GRIK1: variants seen among roughly 807,000 people sequenced by gnomAD.
The protein encoded by GRIK1 is glutamate receptor ionotropic, kainate 1.
A neutral mutation model predicts 105.7 loss-of-function variants in GRIK1; 69 were observed. That is an observed-to-expected ratio of 0.65 (90% CI 0.54 to 0.80). The LOEUF (loss-of-function observed/expected upper bound fraction) is 0.80. Ranked by LOEUF, GRIK1 falls within the 30% of genes least tolerant of loss-of-function variation. The pLI, the probability that GRIK1 is intolerant of heterozygous loss-of-function variation, is 0.00. For synonymous variants in GRIK1, 438 were observed against 431.3 expected (o/e 1.02, Z -0.19); for missense variants, 1,109 against 1,167.3 (o/e 0.95, Z 0.73).
At chr21:29,598,797 GTTATT>G (rs1263730729) in intron 8 of GRIK1, 28 bp downstream of exon 8, 1 of 962,118 alleles carries the variant, frequency 1.0e-6, no homozygotes, top group Admixed American at 2.1e-5. Flanking sequence ...ATGTTCATTT[GTTATT>G]TTATTTATTT....
chr21:29,574,864 AT>A (rs1555838470), intron 14 of GRIK1, among the ~76,000 whole-genome samples: 5,197 of 142,394 alleles, frequency 0.036, 294 homozygotes, highest in African/African-American at 0.12. Flanking sequence ...ATATTTTTGT[AT>A]TTTTTTTTTT....
At chr21:29,569,728 T>A (rs2146208112) in intron 14 of GRIK1, among the ~76,000 whole-genome samples, 1 of 152,326 alleles carries the variant, frequency 6.6e-6, no homozygotes, top group Middle Eastern at 3.4e-3. Flanking sequence ...AAAATGTGAC[T>A]TTCTACACTA....
At chr21:29,695,230 T>C (rs2063672518) in intron 1 of GRIK1, among the ~76,000 whole-genome samples, 1 of 152,160 alleles carries the variant, frequency 6.6e-6, no homozygotes, top group Non-Finnish European at 1.5e-5. Flanking sequence ...TTGTTAACTG[T>C]ACAGTTCTTA....
intron 1 of GRIK1, among the ~76,000 whole-genome samples, chr21:29,917,199 C>T (rs2071027820): frequency 6.6e-6 from 1 of 151,898 alleles, no homozygotes; most frequent in South Asian, 2.1e-4. Flanking sequence ...TGGTGATTTG[C>T]CATTTATTTT....
At chr21:29,894,323 A>G (rs1328930922) in intron 1 of GRIK1, among the ~76,000 whole-genome samples, 3 of 152,146 alleles carry the variant, frequency 2.0e-5, no homozygotes, top group Non-Finnish European at 2.9e-5. Context: ...ACAGCCTTCA[A>G]TCTGTAGTCA....
At chr21:29,596,790 T>G in intron 8 of GRIK1, 1 of 568,520 alleles carries the variant, frequency 1.8e-6, no homozygotes, top group Non-Finnish European at 3.1e-6. Flanking sequence ...TAAGACTCAA[T>G]TTTTACTTTT....
chr21:29,911,641 A>T (rs2146294879), intron 1 of GRIK1, among the ~76,000 whole-genome samples: 1 of 152,126 alleles, frequency 6.6e-6, no homozygotes, highest in African/African-American at 2.4e-5. Context: ...GGGAGGTAAT[A>T]TGGTTTAGGT....
chr21:29,712,128 A>G (rs1193071922), intron 1 of GRIK1, among the ~76,000 whole-genome samples: 1 of 151,658 alleles, frequency 6.6e-6, no homozygotes, highest in African/African-American at 2.4e-5. Flanking sequence ...ACACACATAT[A>G]TATAGGTCCT....
chr21:29,650,040 A>T lies in GRIK1; in HGVS notation c.954+1078T>A, dbSNP rs116383616. Reference sequence around the variant, plus strand: ...TTCTCTACTTGCTCCTATTCAAAGAAATGTTTCAAATCATCCCAGGGCTCA... The same window carrying T: ...TTCTCTACTTGCTCCTATTCAAAGATATGTTTCAAATCATCCCAGGGCTCA... On this transcript the variant is annotated intron_variant, in intron 6 of 17. Transcript: ENST00000327783. Among the ~76,000 whole-genome samples, 424 of 152,314 alleles carry T rather than the reference A, an allele frequency of 2.8e-3. 2 individuals carry two copies. The highest frequency in any genetic ancestry group is 9.4e-3 in the African/African-American group (391 of 41,554).
intron 16 of GRIK1, among the ~76,000 whole-genome samples, chr21:29,551,486 G>A (rs8133745): frequency 0.028 from 4,188 of 152,198 alleles, 217 homozygotes; most frequent in African/African-American, 0.095. Flanking sequence ...ACTACAGGTC[G>A]ATGATGGATA....
chr21:29,848,777 A>ATTTTTTTT (rs1217856804), intron 1 of GRIK1, among the ~76,000 whole-genome samples: 1 of 70,920 alleles, frequency 1.4e-5, no homozygotes, highest in Non-Finnish European at 2.6e-5. Context: ...ATATATATAT[A>ATTTTTTTT]TATTTTTTTT....
At chr21:29,885,055 C>T (rs1022783084) in intron 1 of GRIK1, among the ~76,000 whole-genome samples, 1 of 151,974 alleles carries the variant, frequency 6.6e-6, no homozygotes, top group African/African-American at 2.4e-5. Flanking sequence ...TGAGAATGAG[C>T]TGCATTTTAA....
At position 29,689,861 on chromosome 21, in the gene GRIK1, G is replaced by T. The variant is rs2063553559; in HGVS notation, c.411C>A (p.His137Gln). Reference sequence around the variant, plus strand: ...ACAAATCTTTGTTGTCCACCGAGGGGTGTTTCCAGCGGGTCTGTATGTGTG... The same window carrying T: ...ACAAATCTTTGTTGTCCACCGAGGGTTGTTTCCAGCGGGTCTGTATGTGTG... ...EVPHIQTRWK[H>Q]PSVDNKDLFY... The change falls in exon 3 of 18, where the codon CAC becomes CAA. Residue 137 changes from histidine (H) to glutamine (Q), a missense_variant. His to Gln is a conservative substitution (Grantham distance 24). This residue lies in a region of GRIK1 where 612 missense variants were observed against 586.0 expected (regional missense o/e 1.04). Coordinates refer to ENST00000327783, the MANE Select transcript of GRIK1 (RefSeq NM_001330994.2). 13 of 1,613,904 alleles carry T rather than the reference G, an allele frequency of 8.1e-6. No individual in the cohort carries two copies. In the African/African-American group the frequency reaches 9.3e-5, roughly 12 times the overall value.
intron 1 of GRIK1, among the ~76,000 whole-genome samples, chr21:29,803,327 C>T (rs1343291266): frequency 1.3e-5 from 2 of 152,176 alleles, no homozygotes; most frequent in Non-Finnish European, 1.5e-5. Flanking sequence ...TCATCTTTCA[C>T]AAGCTAAATG....
chr21:29,628,191 T>TA (rs1162381455), intron 7 of GRIK1, among the ~76,000 whole-genome samples: 1 of 152,144 alleles, frequency 6.6e-6, no homozygotes, highest in Non-Finnish European at 1.5e-5. Flanking sequence ...AAAAGTTATT[T>TA]AAAAACAAAT....
chr21:29,814,540 G>C (rs1468410018), intron 1 of GRIK1, among the ~76,000 whole-genome samples: 1 of 152,040 alleles, frequency 6.6e-6, no homozygotes, highest in Non-Finnish European at 1.5e-5. Flanking sequence ...AGTTCACTAG[G>C]AGGAGATAAA....
At position 29,746,581 on chromosome 21, in the gene GRIK1, A is replaced by C. The variant is rs149617233; in HGVS notation, c.119-52518T>G. Among the ~76,000 whole-genome samples, 612 of 152,348 alleles carry C rather than the reference A, an allele frequency of 4.0e-3. 4 individuals are homozygous for C. The highest frequency in any genetic ancestry group is 0.014 in the African/African-American group (578 of 41,584). On this transcript the variant is annotated intron_variant, in intron 1 of 17. Transcript: ENST00000327783. ...ATTCCGGCTAATTCAGAAAATCATA[A>C]ATGTTCACTCAAGAGAGTTAAGATT...
chr21:29,726,219 A>G (rs2064454627), intron 1 of GRIK1, among the ~76,000 whole-genome samples: 1 of 152,230 alleles, frequency 6.6e-6, no homozygotes, highest in Non-Finnish European at 1.5e-5. Context: ...TATTTTAGGA[A>G]AATGAGGATA....
intron 15 of GRIK1, 35 bp downstream of exon 15, chr21:29,561,587 CTG>C: frequency 7.4e-7 from 1 of 1,356,734 alleles, no homozygotes; most frequent in Middle Eastern, 1.8e-4. Context: ...AACTGACATT[CTG>C]TATCTCAGTC....
Sources: gnomAD v4.1 joint callset for allele counts (sites outside exome capture counted in the v4.1 genomes callset) on GRCh38, gnomAD v4.1.1 for gene constraint, gnomAD v4.1.1 regional missense constraint, MANE v1.5 for transcripts, NCBI Gene and HGNC (gene_info 2026-07-23, HGNC 2026-07-21) for gene names.